The following DOCK1 variants were observed in gnomAD, a reference collection of about 807,000 sequenced individuals.
DOCK1 encodes dedicator of cytokinesis 1.
DOCK1 carries 138 observed loss-of-function variants against 262.7 expected under a neutral mutation model. That is an observed-to-expected ratio of 0.53 (90% CI 0.46 to 0.61). DOCK1 has a LOEUF of 0.61. Ranked by LOEUF, DOCK1 falls within the 20% of genes least tolerant of loss-of-function variation. DOCK1 has a pLI of 0.00. For missense variants in DOCK1, 1,908 were observed against 2,370.7 expected (o/e 0.80, Z 4.05); for synonymous variants, 866 against 867.4 (o/e 1.00, Z 0.03).
intron 33 of DOCK1, among the ~76,000 whole-genome samples, chr10:127,373,466 T>C (rs1404689328): frequency 2.1e-5 from 3 of 143,000 alleles, no homozygotes; most frequent in Non-Finnish European, 4.5e-5. Flanking sequence ...TTGAGACTTT[T>C]TTTCATGCTG....
intron 1 of DOCK1, among the ~76,000 whole-genome samples, chr10:126,947,221 T>C (rs2035491516): frequency 1.3e-5 from 2 of 152,346 alleles, no homozygotes; most frequent in African/African-American, 2.4e-5. Flanking sequence ...GCCATGATGA[T>C]GGTGGTGCTG....
rs183131627 is a variant in DOCK1 at position 127,276,573 on chromosome 10, G to A, written c.3044+19144G>A. On this transcript the variant is annotated intron_variant, in intron 29 of 51. Coordinates refer to ENST00000623213, the MANE Select transcript of DOCK1 (RefSeq NM_001290223.2). The stretch of plus-strand genomic sequence containing the variant: ...CTTTAAGACCACAAAGCAGGGACTC[G>A]GACACTGGTGACACGGACATTTCAG... Among the ~76,000 whole-genome samples the A allele has an allele frequency of 3.7e-3, 557 of 152,162 alleles. 1 individual carries two copies. Among genetic ancestry groups the A allele is most frequent in the Non-Finnish European group, 5.4e-3 (367 of 68,012 alleles).
intron 29 of DOCK1, among the ~76,000 whole-genome samples, chr10:127,326,416 T>A (rs966607340): frequency 6.6e-6 from 1 of 152,242 alleles, no homozygotes; most frequent in Non-Finnish European, 1.5e-5. Flanking sequence ...CAGGAGTAGA[T>A]TCATCTCAAG....
intron 31 of DOCK1, among the ~76,000 whole-genome samples, chr10:127,346,362 A>G (rs1388090101): frequency 6.6e-6 from 1 of 152,202 alleles, no homozygotes; most frequent in Non-Finnish European, 1.5e-5. Flanking sequence ...TGGAAGGCCA[A>G]GATGGGAGGA....
chr10:127,427,596 G>A (rs1031177928), intron 47 of DOCK1, among the ~76,000 whole-genome samples: 1 of 152,164 alleles, frequency 6.6e-6, no homozygotes, highest in Admixed American at 6.5e-5. Flanking sequence ...CTAGCACGTG[G>A]CAGACCCATG....
intron 33 of DOCK1, among the ~76,000 whole-genome samples, chr10:127,370,476 A>G (rs1368536870): frequency 6.6e-6 from 1 of 152,158 alleles, no homozygotes; most frequent in East Asian, 1.9e-4. Context: ...TGGCAAGTGC[A>G]GGCTGATTTT....
At chr10:127,407,723 G>A (rs1162239068) in intron 40 of DOCK1, among the ~76,000 whole-genome samples, 1 of 152,148 alleles carries the variant, frequency 6.6e-6, no homozygotes, top group Non-Finnish European at 1.5e-5. Flanking sequence ...TGCAGATGGG[G>A]CAGGGCTGCA....
In DOCK1 at chr10:126,990,469, G is replaced by A. The variant is rs1160144485; in HGVS notation, c.339G>A (p.Glu113=). ...TCCCCGTATAGCAAGATAACAGGGA[G>A]ATGTTTCGAAGTGTGCGGCACATGA... is the stretch of plus-strand genomic sequence containing the variant. ...WRQLYVQDNR[E]MFRSVRHMIY... The change falls in exon 6 of 52, where the codon GAG becomes GAA. Residue 113 remains glutamate (E), a synonymous_variant. Coordinates refer to ENST00000623213, the MANE Select transcript of DOCK1 (RefSeq NM_001290223.2). The A allele has an allele frequency of 5.0e-6, 8 of 1,609,538 alleles. No homozygotes were observed. The South Asian group carries it at 8.9e-5, about 18-fold the overall frequency.
chr10:127,252,870 G>A (rs1285762399), intron 28 of DOCK1, among the ~76,000 whole-genome samples: 1 of 152,088 alleles, frequency 6.6e-6, no homozygotes, highest in Admixed American at 6.6e-5. Flanking sequence ...GGCGATGCGG[G>A]CTCTTTTTTG....
chr10:127,205,436 C>T (rs1186781166), intron 27 of DOCK1, among the ~76,000 whole-genome samples: 1 of 152,076 alleles, frequency 6.6e-6, no homozygotes, highest in Non-Finnish European at 1.5e-5. Context: ...ATGATGCATT[C>T]GATTTGATAT....
intron 3 of DOCK1, among the ~76,000 whole-genome samples, chr10:126,980,166 C>G (rs776097186): frequency 1.3e-5 from 2 of 152,042 alleles, no homozygotes; most frequent in Non-Finnish European, 2.9e-5. Context: ...AGCGTTGGGT[C>G]CCTTCAGACT....
At chr10:127,373,073 T>C (rs1479563297) in intron 33 of DOCK1, among the ~76,000 whole-genome samples, 2 of 152,094 alleles carry the variant, frequency 1.3e-5, no homozygotes, top group African/African-American at 4.8e-5. Context: ...CTTGAAGACA[T>C]TTTAGAGATT....
At chr10:127,250,791 CAAAAAAAAAAAAAAAA>C (rs1180814401) in intron 28 of DOCK1, among the ~76,000 whole-genome samples, 2 of 64,066 alleles carry the variant, frequency 3.1e-5, no homozygotes, top group South Asian at 9.2e-4. Context: ...GACTCCGTCT[CAAAAAAAAAAAAAAAA>C]AAAAAAAAAA....
chr10:127,163,727 C>G (rs549216083), intron 27 of DOCK1, among the ~76,000 whole-genome samples: 3 of 152,100 alleles, frequency 2.0e-5, no homozygotes, highest in Admixed American at 2.0e-4. Flanking sequence ...GCTTCCGACA[C>G]CCAGTTTTGA....
chr10:127,001,178 A>T (rs1226799520), intron 10 of DOCK1, among the ~76,000 whole-genome samples: 4 of 152,172 alleles, frequency 2.6e-5, no homozygotes, highest in Non-Finnish European at 5.9e-5. Context: ...ATGGATATTT[A>T]TGAGGGAAAA....
chr10:127,026,645 C>T (rs1564743336), intron 16 of DOCK1: 1 of 565,176 alleles, frequency 1.8e-6, no homozygotes, highest in East Asian at 3.2e-5. Context: ...CCCAGTGTTG[C>T]TGGTCCCCTT....
rs189487080 is a variant in DOCK1, at chr10:127,126,518, C to G, written c.2751+917C>G. ...AGCCAAGGCAGGAGGATCGCTTGAG[C>G]CCAGGAGTTTAAGACCAGCCTGGGC... On this transcript the variant is annotated intron_variant, in intron 26 of 51. Coordinates refer to ENST00000623213, the MANE Select transcript of DOCK1 (RefSeq NM_001290223.2). 3.3e-5 allele frequency among the ~76,000 whole-genome samples: 5 copies of G among 152,218 alleles called. No homozygotes were observed. In the East Asian group the frequency reaches 5.8e-4, roughly 18 times the overall value.
At chr10:127,432,306 G>C (rs1274803739) in intron 47 of DOCK1, among the ~76,000 whole-genome samples, 1 of 152,130 alleles carries the variant, frequency 6.6e-6, no homozygotes, top group African/African-American at 2.4e-5. Context: ...CTTTTCAGAA[G>C]GGGAAGTGGC....
intron 22 of DOCK1, among the ~76,000 whole-genome samples, chr10:127,061,420 T>C (rs1307607162): frequency 1.3e-5 from 2 of 152,190 alleles, no homozygotes; most frequent in African/African-American, 4.8e-5. Context: ...ATGTAGTATG[T>C]TACAATGAAA....
Sources: allele counts gnomAD v4.1 joint callset (sites outside exome capture counted in the v4.1 genomes callset), GRCh38; gene constraint gnomAD v4.1.1; transcripts MANE v1.5; gene names NCBI Gene and HGNC (gene_info 2026-07-23, HGNC 2026-07-21).